Variants in SLAIN2 observed in about 807,000 individuals in gnomAD.
The protein encoded by SLAIN2 is SLAIN family member 2.
In SLAIN2, 31 loss-of-function variants were observed where a neutral mutation model predicts 56.6. That is an observed-to-expected ratio of 0.55 (90% confidence interval 0.41 to 0.74). The LOEUF (loss-of-function observed/expected upper bound fraction) is 0.74, where lower values mean the gene tolerates loss of function less well. Among genes scored for constraint, SLAIN2 ranks in the 30% least tolerant of loss-of-function variants. The pLI is 0.00. For missense variants in SLAIN2, 777 were observed against 754.2 expected, an observed-to-expected ratio of 1.03 and a Z score of -0.35; for synonymous variants, 317 against 284.9, an observed-to-expected ratio of 1.11 and a Z score of -1.13.
chr4:48,393,387 TGTGTGTGTGTGTG>T (rs1276066280), intron 6 of SLAIN2, among the ~76,000 whole-genome samples: 15 of 10,182 alleles, frequency 1.5e-3, no homozygotes, highest in African/African-American at 2.7e-3. Context: ...ATGTCTGGCT[TGTGTGTGTGTGTG>T]TGTGTGTGTG....
At chr4:48,387,264 T>G (rs1189969302) in intron 6 of SLAIN2, 1 of 152,208 alleles carries the variant, frequency 6.6e-6, no homozygotes, top group African/African-American at 2.4e-5. Flanking sequence ...ATGCATTGTC[T>G]GTGTCTTAAA....
At chr4:48,414,380 A>G (rs1716943034) in intron 6 of SLAIN2, among the ~76,000 whole-genome samples, 2 of 152,190 alleles carry the variant, frequency 1.3e-5, no homozygotes, top group Non-Finnish European at 2.9e-5. Context: ...TGTTCTTTAG[A>G]TAAGAAAGCC....
chr4:48,420,384 TGCCC>T lies in SLAIN2; in HGVS notation c.1621_1624del (p.Ala541LeufsTer30). On this transcript the variant is annotated frameshift_variant, in exon 7 of 8. Transcript: ENST00000264313. LOFTEE classifies it high-confidence loss of function. ...TGAGAAGTGGCTTGCCCAGACCCAG[TGCCC>T]CTTCTGCTGGGGGCATACCAGTGCC... The T allele has an allele frequency of 6.2e-7, 1 of 1,614,004 alleles. No homozygotes were observed. Among genetic ancestry groups the T allele is most frequent in the African/African-American group, 1.3e-5 (1 of 75,068 alleles).
intron 6 of SLAIN2, chr4:48,394,621 A>G: frequency 2.6e-6 from 4 of 1,535,974 alleles, no homozygotes; most frequent in Non-Finnish European, 3.5e-6. Flanking sequence ...CTCAAAGCCA[A>G]ACAGTTGCTT....
chr4:48,388,330 G>T (rs775408038), intron 6 of SLAIN2, among the ~76,000 whole-genome samples: 3 of 152,134 alleles, frequency 2.0e-5, no homozygotes, highest in Admixed American at 6.6e-5. Context: ...AGGAATGTTC[G>T]TGAGAGAGTT....
rs749776275 is a variant in SLAIN2, at chr4:48,382,647, T to C, written c.942T>C (p.Phe314=). The C allele has an allele frequency of 3.7e-6, 6 of 1,613,722 alleles. No individual in the cohort carries two copies. In the African/African-American group the frequency reaches 4.0e-5, roughly 11 times the overall value. ...GCAATTCTACAAGACGGGGTACTTT[T>C]AGTGATCAGGAACTTGATGCACAAA... ...SSCNSTRRGT[F]SDQELDAQSL... Residue 314 remains phenylalanine, a synonymous_variant, in exon 5 of 8, where the codon TTT becomes TTC. Transcript: ENST00000264313.
chr4:48,341,532 C>G lies in SLAIN2; in HGVS notation c.-208C>G. ...GGATATTGGCGCCGCCTCCCCCAAT[C>G]CCGGAGCCGGCGCAGATGAGGCAGT... is the stretch of plus-strand genomic sequence containing the variant. On this transcript the variant is annotated 5_prime_UTR_variant, in exon 1 of 8. The change creates a new upstream start codon in the 5' untranslated region. Transcript: ENST00000264313. The G allele has an allele frequency of 3.0e-6, 2 of 657,142 alleles. No homozygotes were observed. Among genetic ancestry groups the G allele is most frequent in the Non-Finnish European group, 4.5e-6 (2 of 441,788 alleles). The allele number at this position is 657,142 out of a possible 1,614,324, so 40.7% of individuals were successfully genotyped here.
chr4:48,356,365 T>C (rs893523365), intron 1 of SLAIN2, among the ~76,000 whole-genome samples: 4 of 152,308 alleles, frequency 2.6e-5, no homozygotes, highest in African/African-American at 9.6e-5. Flanking sequence ...TTGCTATCTA[T>C]ATATGCAGTT....
intron 2 of SLAIN2, among the ~76,000 whole-genome samples, chr4:48,371,563 ATTAATGTAC>A (rs1429058063): frequency 6.6e-6 from 1 of 152,196 alleles, no homozygotes; most frequent in Non-Finnish European, 1.5e-5. Flanking sequence ...AATTTCTGGC[ATTAATGTAC>A]TTAATGCCAC....
At chr4:48,412,316 G>A (rs1716878018) in intron 6 of SLAIN2, among the ~76,000 whole-genome samples, 1 of 150,450 alleles carries the variant, frequency 6.6e-6, no homozygotes. Context: ...TACCAGGGTG[G>A]AGATATCTAA....
At chr4:48,404,941 T>G (rs1716654729) in intron 6 of SLAIN2, among the ~76,000 whole-genome samples, 1 of 152,222 alleles carries the variant, frequency 6.6e-6, no homozygotes, top group Non-Finnish European at 1.5e-5. Flanking sequence ...CTTGAAATCC[T>G]CTCTAGTTTC....
chr4:48,349,443 G>T (rs1251931833), intron 1 of SLAIN2, among the ~76,000 whole-genome samples: 4 of 152,146 alleles, frequency 2.6e-5, no homozygotes, highest in Non-Finnish European at 4.4e-5. Context: ...CTGAATAATG[G>T]CAGTATTGAA....
At chr4:48,348,706 A>AAG (rs370271658) in intron 1 of SLAIN2, among the ~76,000 whole-genome samples, 1 of 146,698 alleles carries the variant, frequency 6.8e-6, no homozygotes, top group Non-Finnish European at 1.5e-5. Flanking sequence ...AAAAAAAAAA[A>AAG]GAAGATACCT....
chr4:48,352,030 A>G (rs1715024860), intron 1 of SLAIN2, among the ~76,000 whole-genome samples: 1 of 152,216 alleles, frequency 6.6e-6, no homozygotes, highest in Non-Finnish European at 1.5e-5. Context: ...TTAGGGAACA[A>G]GTGAGAAAGC....
Position 48,379,721 on chromosome 4 carries a change from A to C in SLAIN2, c.735A>C (p.Pro245=). The C allele has an allele frequency of 3.4e-6, 5 of 1,489,698 alleles. No homozygotes were observed. Among genetic ancestry groups the C allele is most frequent in the Non-Finnish European group, 4.5e-6 (5 of 1,123,200 alleles). 92.3% of individuals were successfully genotyped at this position (1,489,698 alleles called of 1,614,324 possible). ...TGAAAAGCTCAGACAGAAATCCTCC[A>C]CTCAGTCCTCAGTCCTCTATAGATA... ...GNLKSSDRNP[P]LSPQSSIDSE... Residue 245 remains proline (P), a synonymous_variant, in exon 4 of 8, where the codon CCA becomes CCC. Transcript: ENST00000264313.
intron 2 of SLAIN2, among the ~76,000 whole-genome samples, chr4:48,372,067 C>G (rs1359022916): frequency 6.6e-6 from 1 of 151,620 alleles, no homozygotes; most frequent in East Asian, 1.9e-4. Flanking sequence ...TATATATACA[C>G]ACACACACAT....
At chr4:48,396,620 G>A (rs907854955) in intron 6 of SLAIN2, among the ~76,000 whole-genome samples, 4 of 152,088 alleles carry the variant, frequency 2.6e-5, no homozygotes, top group Admixed American at 2.6e-4. Flanking sequence ...GGAGACAAAG[G>A]CCACCTGTTC....
rs146222662 is a variant in SLAIN2, at chr4:48,395,773, G to C, written c.1360+11989G>C. ...AGGTGACTTAATAGGGGTTATTATA[G>C]AAAGGGGTTTTTGTGGACTTATTTG... On this transcript the variant is annotated intron_variant, in intron 6 of 7. Coordinates refer to ENST00000264313, the MANE Select transcript of SLAIN2 (RefSeq NM_020846.2). Among the ~76,000 whole-genome samples, 420 of 145,506 alleles carry C rather than the reference G, an allele frequency of 2.9e-3. 3 individuals are homozygous for C. The highest frequency in any genetic ancestry group is 5.6e-3 in the South Asian group (25 of 4,476).
chr4:48,418,951 T>G (rs887791268), intron 6 of SLAIN2, among the ~76,000 whole-genome samples: 1 of 152,222 alleles, frequency 6.6e-6, no homozygotes, highest in Admixed American at 6.5e-5. Flanking sequence ...CATCAGTAGT[T>G]TACTCCTTTT....
Sources: gnomAD v4.1 joint callset for allele counts (sites outside exome capture counted in the v4.1 genomes callset) on GRCh38, gnomAD v4.1.1 for gene constraint, MANE v1.5 for transcripts, NCBI Gene and HGNC (gene_info 2026-07-23, HGNC 2026-07-21) for gene names.